The following JPH4 variants were observed in gnomAD, a reference collection of about 807,000 sequenced individuals.
The protein encoded by JPH4 is junctophilin 4, also known as junctophilin-4.
JPH4 carries 18 observed loss-of-function variants against 57.6 expected under a neutral mutation model. The ratio of observed to expected loss-of-function variants is 0.31; its 90% CI spans 0.22 to 0.46. The LOEUF is 0.46. Among genes scored for constraint, JPH4 ranks in the 20% least tolerant of loss-of-function variants. The pLI is 1.00. For synonymous variants in JPH4, 425 were observed against 406.6 expected (o/e 1.05, Z -0.54); for missense variants, 727 against 911.1 (o/e 0.80, Z 2.60).
Position 23,576,617 on chromosome 14 carries a change from G to A in JPH4, c.380-161C>T, listed in dbSNP as rs1388351626. 6.6e-6 allele frequency among the ~76,000 whole-genome samples: 1 copy of A among 152,206 alleles called. No homozygotes were observed. The highest frequency in any genetic ancestry group is 2.4e-5 in the African/African-American group (1 of 41,450). On this transcript the variant is annotated intron_variant, in intron 2 of 5. Coordinates refer to ENST00000356300, the MANE Select transcript of JPH4 (RefSeq NM_001146028.2). This position sits in a 1 kb window ranked among gnomAD's most constrained non-coding sequence, Gnocchi z 8.0. ...GGCACTGGGAGCCGGGAACAGGCCA[G>A]GCTGGGCCGGAAAGTGTGGGAGAGC...
chr14:23,573,309 A>T (rs908991859), intron 3 of JPH4, among the ~76,000 whole-genome samples: 3 of 152,130 alleles, frequency 2.0e-5, no homozygotes, highest in Non-Finnish European at 2.9e-5. Context: ...GGACTCTCAG[A>T]TTGTATATAA....
chr14:23,568,725 G>C lies in JPH4; in HGVS notation c.*909C>G, dbSNP rs1595389098. ...CTTGCTCAAGTGCCTCTAACCCTCT[G>C]CAGTAGAAATGTCTTCTTCAGGCCC... On this transcript the variant is annotated 3_prime_UTR_variant, in exon 6 of 6. Transcript: ENST00000356300. 1.0e-6 allele frequency: 1 copy of C among 985,942 alleles called. No individual in the cohort carries two copies. The highest frequency in any genetic ancestry group is 1.1e-4 in the East Asian group (1 of 8,814). 61.1% of individuals were successfully genotyped at this position (985,942 alleles called of 1,614,324 possible).
In JPH4 at chr14:23,569,062, A is replaced by G. The variant is rs1481473266; in HGVS notation, c.*572T>C. ...CAGCTCAGTGCTTGGAGGTAAGATA[A>G]TAGCCTCCAAGATTAGAGGTGGAGG... On this transcript the variant is annotated 3_prime_UTR_variant, in exon 6 of 6. Coordinates refer to ENST00000356300, the MANE Select transcript of JPH4 (RefSeq NM_001146028.2). The surrounding 1 kb of genome is among the most constrained non-coding windows in gnomAD (Gnocchi z 4.8). 1.2e-5 allele frequency: 2 copies of G among 160,570 alleles called. No homozygotes were observed. The highest frequency in any genetic ancestry group is 2.7e-5 in the Non-Finnish European group (2 of 72,756). 9.9% of individuals were successfully genotyped at this position (160,570 alleles called of 1,614,324 possible). A position where few individuals can be genotyped will look rare whatever the true frequency, so the allele number is the denominator to read the frequency against.
chr14:23,572,507 C>T lies in JPH4; in HGVS notation c.1152-587G>A, dbSNP rs1729857285. Among the ~76,000 whole-genome samples the T allele has an allele frequency of 2.6e-5, 4 of 152,126 alleles. No individual in the cohort carries two copies. The South Asian group carries it at 8.3e-4, about 32-fold the overall frequency. ...AGAGCCACCGTCTCCCTTATGTTAA[C>T]AGTCTCTGCCTCCCTTTCTCTTTCT... On this transcript the variant is annotated intron_variant, in intron 3 of 5. Transcript: ENST00000356300.
chr14:23,577,091 C>T lies in JPH4; in HGVS notation c.363G>A (p.Glu121=), dbSNP rs768499263. 9.6e-6 allele frequency: 15 copies of T among 1,561,984 alleles called. No homozygotes were observed. Among genetic ancestry groups the T allele is most frequent in the Non-Finnish European group, 1.3e-5 (15 of 1,159,610 alleles). Residue 121 remains glutamate (E), a synonymous_variant, in exon 2 of 6, where the codon GAG becomes GAA. Coordinates refer to ENST00000356300, the MANE Select transcript of JPH4 (RefSeq NM_001146028.2). The surrounding 1 kb of genome is among the most constrained non-coding windows in gnomAD (Gnocchi z 8.4). ...KDGFQDGYGT[E]TYSDGGTYQG... ...GCCCCGCACCTCCGTCGGAGTAGGT[C>T]TCAGTGCCGTAGCCGTCCTGGAAAC...
In JPH4 at chr14:23,575,926, G is replaced by T; in HGVS notation, c.910C>A (p.Arg304Ser). Residue 304 changes from arginine (R) to serine (S), a missense_variant, in exon 3 of 6, where the codon CGC becomes AGC. By Grantham distance (110) the Arg-to-Ser change is moderately radical. This residue lies in a region of JPH4 where 112 missense variants were observed against 199.4 expected (regional missense o/e 0.56). Coordinates refer to ENST00000356300, the MANE Select transcript of JPH4 (RefSeq NM_001146028.2). This position sits in a 1 kb window ranked among gnomAD's most constrained non-coding sequence, Gnocchi z 6.9. Reference protein sequence around the residue: ...FGVSQRSNGLRYEGEWLGNRR... With the variant: ...FGVSQRSNGLSYEGEWLGNRR... ...TTGCCCAGCCACTCGCCCTCGTAGCGCAGCCCGTTGGAGCGCTGGCTGACG... is the reference window on the plus strand; with the variant it reads ...TTGCCCAGCCACTCGCCCTCGTAGCTCAGCCCGTTGGAGCGCTGGCTGACG... 6.4e-7 allele frequency: 1 copy of T among 1,561,326 alleles called. No individual in the cohort carries two copies. Among genetic ancestry groups the T allele is most frequent in the Non-Finnish European group, 8.6e-7 (1 of 1,160,590 alleles).
At chr14:23,570,206 A>G (rs1889076387) in intron 5 of JPH4, among the ~76,000 whole-genome samples, 1 of 110,996 alleles carries the variant, frequency 9.0e-6, no homozygotes, top group African/African-American at 3.5e-5. Context: ...GGAGGGAACA[A>G]TCTTTTCCTT....
intron 3 of JPH4, among the ~76,000 whole-genome samples, chr14:23,573,822 G>A (rs1889207015): frequency 6.6e-6 from 1 of 151,912 alleles, no homozygotes; most frequent in Admixed American, 6.6e-5. Context: ...CCCTTCCCTG[G>A]CTTAAGTCCC....
chr14:23,570,102 G>C (rs1033136930), intron 5 of JPH4, among the ~76,000 whole-genome samples: 1 of 152,152 alleles, frequency 6.6e-6, no homozygotes, highest in African/African-American at 2.4e-5. Context: ...CCCAATCAGA[G>C]TAGAGGGTTC....
Position 23,571,383 on chromosome 14 carries a change from C to T in JPH4, c.1348G>A (p.Gly450Arg), listed in dbSNP as rs774248643. 21 of 1,600,552 alleles carry T rather than the reference C, an allele frequency of 1.3e-5. No individual in the cohort carries two copies. Among genetic ancestry groups the T allele is most frequent in the South Asian group, 3.3e-5 (3 of 90,992 alleles). Residue 450 changes from glycine to arginine, a missense_variant, in exon 5 of 6, where the codon GGA becomes AGA. Around this residue, in one of 7 missense-constraint regions of JPH4, gnomAD observed 293 missense variants for 279.8 expected, o/e 1.05. Coordinates refer to ENST00000356300, the MANE Select transcript of JPH4 (RefSeq NM_001146028.2). The surrounding 1 kb of genome is among the most constrained non-coding windows in gnomAD (Gnocchi z 4.6). The part of the protein sequence containing the change: ...DEDSPGVYEN[G>R]LTPSEGSPEL... ...GGGGATCCCTCTGAGGGGGTCAGTC[C>T]GTTCTCATATACCCCAGGGCTGTCC...
chr14:23,574,595 C>T (rs1019472867), intron 3 of JPH4, among the ~76,000 whole-genome samples: 10 of 152,208 alleles, frequency 6.6e-5, no homozygotes, highest in African/African-American at 2.2e-4. Flanking sequence ...GGGGCGGTCC[C>T]GTGCTGCCCA....
In JPH4 at chr14:23,576,851, A is replaced by G. The variant is rs1161719700; in HGVS notation, c.379+224T>C. 1.3e-5 allele frequency among the ~76,000 whole-genome samples: 2 copies of G among 152,142 alleles called. No individual in the cohort carries two copies. Among genetic ancestry groups the G allele is most frequent in the Non-Finnish European group, 1.5e-5 (1 of 68,020 alleles). ...TAGAGAGGGAGGTGTGAGGACAGGC[A>G]GACAGGGAAGGGGTGAGGGAGAAGC... is the stretch of plus-strand genomic sequence containing the variant. On this transcript the variant is annotated intron_variant, in intron 2 of 5. Transcript: ENST00000356300. This position sits in a 1 kb window ranked among gnomAD's most constrained non-coding sequence, Gnocchi z 8.0.
intron 3 of JPH4, chr14:23,573,077 G>A (rs1889193059): frequency 1.5e-6 from 1 of 647,484 alleles, no homozygotes; most frequent in Admixed American, 2.3e-5. Flanking sequence ...CACACCCCAT[G>A]ACTTCCTCTG....
In JPH4 at chr14:23,577,630, G is replaced by A. The variant is rs1400845740; in HGVS notation, c.-171-6C>T. ...CGGACCCTCATCCTGAGTGGCTGCGGAGAAAGAGGGAGGGGGGCAAGTGGC... is the reference window on the plus strand; with the variant it reads ...CGGACCCTCATCCTGAGTGGCTGCGAAGAAAGAGGGAGGGGGGCAAGTGGC... On this transcript the variant is annotated splice_region_variant and splice_polypyrimidine_tract_variant and intron_variant, in intron 1 of 5. Transcript: ENST00000356300. This position sits in a 1 kb window ranked among gnomAD's most constrained non-coding sequence, Gnocchi z 8.4. 6 of 445,456 alleles carry A rather than the reference G, an allele frequency of 1.3e-5. No individual in the cohort carries two copies. The highest frequency in any genetic ancestry group is 2.0e-5 in the African/African-American group (1 of 48,984). The allele number at this position is 445,456 out of a possible 1,614,324, so 27.6% of individuals were successfully genotyped here.
intron 3 of JPH4, among the ~76,000 whole-genome samples, chr14:23,573,533 G>A (rs898663011): frequency 6.6e-6 from 1 of 152,306 alleles, no homozygotes; most frequent in Non-Finnish European, 1.5e-5. Context: ...GCCTGTTTTT[G>A]TGTATGAAGA....
Position 23,575,413 on chromosome 14 carries a change from A to G in JPH4, c.1151+272T>C. On this transcript the variant is annotated intron_variant, in intron 3 of 5. Coordinates refer to ENST00000356300, the MANE Select transcript of JPH4 (RefSeq NM_001146028.2). The surrounding 1 kb of genome is among the most constrained non-coding windows in gnomAD (Gnocchi z 6.9). ...CCACACACAACAATGGATTCCATAGACATGCATCTCCACACAAAAGACACC... is the reference window on the plus strand; with the variant it reads ...CCACACACAACAATGGATTCCATAGGCATGCATCTCCACACAAAAGACACC... The G allele has an allele frequency of 1.8e-6, 1 of 557,680 alleles. No individual in the cohort carries two copies. Among genetic ancestry groups the G allele is most frequent in the Non-Finnish European group, 3.2e-6 (1 of 311,456 alleles). 34.5% of individuals were successfully genotyped at this position (557,680 alleles called of 1,614,324 possible).
chr14:23,575,656 C>A lies in JPH4; in HGVS notation c.1151+29G>T. The A allele has an allele frequency of 6.3e-7, 1 of 1,578,532 alleles. No individual in the cohort carries two copies. Among genetic ancestry groups the A allele is most frequent in the East Asian group, 2.3e-5 (1 of 42,590 alleles). On this transcript the variant is annotated intron_variant, in intron 3 of 5. Coordinates refer to ENST00000356300, the MANE Select transcript of JPH4 (RefSeq NM_001146028.2). The surrounding 1 kb of genome is among the most constrained non-coding windows in gnomAD (Gnocchi z 6.9). ...CCCAGCGCACCCCCTCCTCTTAGCC[C>A]AGCTTTGGCCTCTGAACTGGACGCC... is the stretch of plus-strand genomic sequence containing the variant.
chr14:23,568,165 GAAGT>G lies in JPH4; in HGVS notation c.*1465_*1468del. ...CCCAAATTCCATGAAATAGAAATCA[GAAGT>G]AAAGGTTGAGAGGGGAGGAAGGAGG... On this transcript the variant is annotated 3_prime_UTR_variant, in exon 6 of 6. Transcript: ENST00000356300. 1 of 985,832 alleles carries G rather than the reference GAAGT, an allele frequency of 1.0e-6. No individual in the cohort carries two copies. Among genetic ancestry groups the G allele is most frequent in the Non-Finnish European group, 1.2e-6 (1 of 829,910 alleles). 61.1% of individuals were successfully genotyped at this position (985,832 alleles called of 1,614,324 possible).
chr14:23,576,877 G>A lies in JPH4; in HGVS notation c.379+198C>T, dbSNP rs961333625. Among the ~76,000 whole-genome samples the A allele has an allele frequency of 1.3e-5, 2 of 152,002 alleles. No homozygotes were observed. The highest frequency in any genetic ancestry group is 1.9e-4 in the East Asian group (1 of 5,182). ...GACAGGGAAGGGGTGAGGGAGAAGCGAGCAGGAGACAGACAATTGAGGAAA... is the reference window on the plus strand; with the variant it reads ...GACAGGGAAGGGGTGAGGGAGAAGCAAGCAGGAGACAGACAATTGAGGAAA... On this transcript the variant is annotated intron_variant, in intron 2 of 5. Coordinates refer to ENST00000356300, the MANE Select transcript of JPH4 (RefSeq NM_001146028.2). The surrounding 1 kb of genome is among the most constrained non-coding windows in gnomAD (Gnocchi z 8.0).
Sources: allele counts gnomAD v4.1 joint callset (sites outside exome capture counted in the v4.1 genomes callset), GRCh38; gene constraint gnomAD v4.1.1; regional missense constraint gnomAD v4.1.1; non-coding constraint Gnocchi (gnomAD v3.1); transcripts MANE v1.5; gene names NCBI Gene and HGNC (gene_info 2026-07-23, HGNC 2026-07-21).